The following ZBTB16 variants were observed in gnomAD, a reference collection of about 807,000 sequenced individuals.
ZBTB16 encodes the protein zinc finger and BTB domain containing 16, also known as zinc finger and BTB domain-containing protein 16.
A neutral mutation model predicts 56.8 loss-of-function variants in ZBTB16; 8 were observed. That is an observed-to-expected ratio of 0.14 (90% confidence interval 0.08 to 0.25). The LOEUF (loss-of-function observed/expected upper bound fraction) is 0.25, where lower values mean the gene tolerates loss of function less well. Among genes scored for constraint, ZBTB16 ranks in the 10% least tolerant of loss-of-function variants. The pLI is 1.00. For synonymous variants in ZBTB16, 363 were observed against 368.5 expected (o/e 0.98, Z 0.17); for missense variants, 625 against 903.0 (o/e 0.69, Z 3.95).
chr11:114,182,507 G>A (rs116110267), intron 3 of ZBTB16, among the ~76,000 whole-genome samples: 1,999 of 152,166 alleles, frequency 0.013, 34 homozygotes, highest in African/African-American at 0.042. Flanking sequence ...CCACCTCTCG[G>A]CATATAGCTA....
chr11:114,160,239 G>C (rs947526320), intron 3 of ZBTB16, among the ~76,000 whole-genome samples: 17 of 152,192 alleles, frequency 1.1e-4, no homozygotes, highest in African/African-American at 3.9e-4. Context: ...AGCCAAGTTT[G>C]TCATCATACA....
In ZBTB16 at chr11:114,250,528, G is replaced by A. The variant is rs114107235; in HGVS notation, c.1995G>A (p.Lys665=). 254 of 1,614,158 alleles carry A rather than the reference G, an allele frequency of 1.6e-4. 1 individual carries two copies. The African/African-American group carries it at 2.5e-3, about 16-fold the overall frequency. The change falls in exon 7 of 7, where the codon AAG becomes AAA. Residue 665 remains lysine (K), a synonymous_variant. Coordinates refer to ENST00000335953, the MANE Select transcript of ZBTB16 (RefSeq NM_006006.6). This position sits in a 1 kb window ranked among gnomAD's most constrained non-coding sequence, Gnocchi z 6.0. ...TCCCGCCCGACTGGAGGATAGAGAA[G>A]ACGTACCTCTACCTGTGCTATGTGT... ...EEIPPDWRIE[K]TYLYLCYV
At chr11:114,088,695 G>A (rs1940059271) in intron 2 of ZBTB16, among the ~76,000 whole-genome samples, 1 of 152,224 alleles carries the variant, frequency 6.6e-6, no homozygotes, top group Admixed American at 6.5e-5. Context: ...TGTGCTAAGG[G>A]TTAACTACCC....
intron 2 of ZBTB16, among the ~76,000 whole-genome samples, chr11:114,140,982 G>A (rs1460986177): frequency 6.6e-6 from 1 of 152,130 alleles, no homozygotes; most frequent in African/African-American, 2.4e-5. Flanking sequence ...GGGCTTTGGG[G>A]CTGCTCGATG....
chr11:114,119,013 C>T (rs1053011575), intron 2 of ZBTB16, among the ~76,000 whole-genome samples: 4 of 151,944 alleles, frequency 2.6e-5, no homozygotes, highest in African/African-American at 9.6e-5. Context: ...ACCTGTAATC[C>T]CAGCACTTTG....
In ZBTB16 at chr11:114,179,881, G is replaced by C. The variant is rs73002836; in HGVS notation, c.1367-7071G>C. On this transcript the variant is annotated intron_variant, in intron 3 of 6. Transcript: ENST00000335953. ...GGTAGGGAGGGAGGTTCTTTGACAA[G>C]GGGGAGAGGGCAGCTGCAGGGAGCT... Among the ~76,000 whole-genome samples, 1,422 of 152,276 alleles carry C rather than the reference G, an allele frequency of 9.3e-3. 8 individuals carry two copies. The highest frequency in any genetic ancestry group is 0.024 in the Middle Eastern group (7 of 292).
intron 2 of ZBTB16, among the ~76,000 whole-genome samples, chr11:114,105,707 T>C (rs1387617575): frequency 1.3e-5 from 2 of 152,240 alleles, no homozygotes; most frequent in Non-Finnish European, 2.9e-5. Flanking sequence ...TGTTCCTCCA[T>C]CACTCTGCTG....
At chr11:114,115,122 T>C (rs1320451857) in intron 2 of ZBTB16, among the ~76,000 whole-genome samples, 1 of 152,198 alleles carries the variant, frequency 6.6e-6, no homozygotes, top group African/African-American at 2.4e-5. Context: ...GCTGCAAACC[T>C]GTATACTTCT....
At chr11:114,188,218 C>G (rs1275827027) in intron 4 of ZBTB16, 1 of 152,276 alleles carries the variant, frequency 6.6e-6, no homozygotes, top group Non-Finnish European at 1.5e-5. Flanking sequence ...TTACGTGATC[C>G]CATCTGGCCA....
intron 4 of ZBTB16, among the ~76,000 whole-genome samples, chr11:114,213,988 C>A (rs1275703637): frequency 6.6e-6 from 1 of 152,160 alleles, no homozygotes; most frequent in Admixed American, 6.5e-5. Flanking sequence ...TTTGTTTTGT[C>A]TTTTCCTACT....
At chr11:114,121,932 G>A (rs559749909) in intron 2 of ZBTB16, 29 of 439,712 alleles carry the variant, frequency 6.6e-5, no homozygotes, top group Non-Finnish European at 1.1e-4. Context: ...TGGCTGCAAG[G>A]TACTGGCTGT....
intron 4 of ZBTB16, among the ~76,000 whole-genome samples, chr11:114,203,132 G>A (rs1943774314): frequency 6.6e-6 from 1 of 152,162 alleles, no homozygotes; most frequent in South Asian, 2.1e-4. Flanking sequence ...CATAAAAAGA[G>A]TAAAATATTG....
At chr11:114,215,605 A>G (rs532965356) in intron 4 of ZBTB16, among the ~76,000 whole-genome samples, 4 of 152,350 alleles carry the variant, frequency 2.6e-5, no homozygotes, top group Non-Finnish European at 4.4e-5. Context: ...AGAGCTTTAC[A>G]GCCGCAGCAG....
At chr11:114,221,899 A>G (rs1944238400) in intron 4 of ZBTB16, among the ~76,000 whole-genome samples, 2 of 152,202 alleles carry the variant, frequency 1.3e-5, no homozygotes, top group Admixed American at 1.3e-4. Flanking sequence ...GTATGGCCCA[A>G]GAGCTTTTGG....
intron 2 of ZBTB16, among the ~76,000 whole-genome samples, chr11:114,144,493 A>G (rs1942046691): frequency 6.6e-6 from 1 of 152,182 alleles, no homozygotes; most frequent in African/African-American, 2.4e-5. Context: ...GTCTGTGTAG[A>G]AAGGAATACG....
intron 3 of ZBTB16, among the ~76,000 whole-genome samples, chr11:114,184,809 T>G (rs1311775034): frequency 4.6e-5 from 7 of 152,124 alleles, no homozygotes; most frequent in African/African-American, 1.7e-4. Context: ...GGGCTACAAA[T>G]TTGTGTAACA....
chr11:114,136,710 T>G (rs1194034862), intron 2 of ZBTB16, among the ~76,000 whole-genome samples: 1 of 152,028 alleles, frequency 6.6e-6, no homozygotes, highest in Non-Finnish European at 1.5e-5. Context: ...GGGGTGGGTT[T>G]TTTTGGGGGG....
chr11:114,167,731 C>T (rs1024756146), intron 3 of ZBTB16, among the ~76,000 whole-genome samples: 2 of 152,080 alleles, frequency 1.3e-5, no homozygotes, highest in African/African-American at 2.4e-5. Context: ...TTTATCATCC[C>T]GGCAACAGCT....
At chr11:114,062,351 C>T (rs373123156) in intron 1 of ZBTB16, among the ~76,000 whole-genome samples, 239 of 152,344 alleles carry the variant, frequency 1.6e-3, no homozygotes, top group African/African-American at 4.7e-3. Flanking sequence ...GATCCGCCTG[C>T]CTGGGCCTCC....
Sources: allele counts gnomAD v4.1 joint callset (sites outside exome capture counted in the v4.1 genomes callset), GRCh38; gene constraint gnomAD v4.1.1; non-coding constraint Gnocchi (gnomAD v3.1); transcripts MANE v1.5; gene names NCBI Gene and HGNC (gene_info 2026-07-23, HGNC 2026-07-21).